The following SLC5A12 variants were observed in gnomAD, a reference collection of about 807,000 sequenced individuals.
SLC5A12 encodes solute carrier family 5 member 12.
A neutral mutation model predicts 72.7 loss-of-function variants in SLC5A12; 46 were observed. That is an observed-to-expected ratio of 0.63 (90% CI 0.50 to 0.81). The LOEUF (loss-of-function observed/expected upper bound fraction) is 0.81, where lower values mean the gene tolerates loss of function less well. SLC5A12 is among the 30% of genes least tolerant of loss of function. The pLI, the probability that SLC5A12 is intolerant of heterozygous loss-of-function variation, is 0.00. For missense variants in SLC5A12, 683 were observed against 740.7 expected (o/e 0.92, Z 0.90); for synonymous variants, 275 against 264.4 (o/e 1.04, Z -0.39).
In SLC5A12 at chr11:26,686,471, C is replaced by G; in HGVS notation, c.1221+6G>C. 1 of 1,613,382 alleles carries G rather than the reference C, an allele frequency of 6.2e-7. No homozygotes were observed. Among genetic ancestry groups the G allele is most frequent in the Non-Finnish European group, 8.5e-7 (1 of 1,179,516 alleles). ...AACCAAATGTGTCTTTTCCTTCTTTCGTTACCTGCACAACACCTCCCATGA... is the reference window on the plus strand; with the variant it reads ...AACCAAATGTGTCTTTTCCTTCTTTGGTTACCTGCACAACACCTCCCATGA... On this transcript the variant is annotated splice_donor_region_variant and intron_variant, in intron 10 of 14. Coordinates refer to ENST00000396005, the MANE Select transcript of SLC5A12 (RefSeq NM_178498.4).
intron 8 of SLC5A12, 43 bp from the exon 9 acceptor site, chr11:26,692,644 G>T: frequency 7.0e-7 from 1 of 1,432,872 alleles, no homozygotes; most frequent in Non-Finnish European, 9.8e-7. Context: ...AGCTATATAA[G>T]GCGGAGCTAC....
rs146624977 is a variant in SLC5A12 at position 26,670,341 on chromosome 11, T to C, written c.*761A>G. ...TGGAAAAAGGCTCTAGACTTCTTAT[T>C]GAGCTCTGAGGCAATTTTTCATTGT... On this transcript the variant is annotated 3_prime_UTR_variant, in exon 15 of 15. Transcript: ENST00000396005. The C allele has an allele frequency of 1.4e-4, 22 of 152,276 alleles. No homozygotes were observed. The highest frequency in any genetic ancestry group is 5.3e-4 in the African/African-American group (22 of 41,574). 9.4% of individuals were successfully genotyped at this position (152,276 alleles called of 1,614,324 possible). A position where few individuals can be genotyped will look rare whatever the true frequency, so the allele number is the denominator to read the frequency against.
At chr11:26,671,981 G>T (rs1482794791) in intron 14 of SLC5A12, among the ~76,000 whole-genome samples, 8 of 152,080 alleles carry the variant, frequency 5.3e-5, no homozygotes, top group Non-Finnish European at 1.0e-4. Flanking sequence ...CAAACTCCTT[G>T]CTTATCAAGC....
At position 26,670,117 on chromosome 11, in the gene SLC5A12, C is replaced by T. The variant is rs10835054; in HGVS notation, c.*985G>A. ...GAAGTTCTCCACTTCTGTTACCTAACCCAGGTGGAGTGAGTTGAGCTTGCT... is the reference window on the plus strand; with the variant it reads ...GAAGTTCTCCACTTCTGTTACCTAATCCAGGTGGAGTGAGTTGAGCTTGCT... On this transcript the variant is annotated 3_prime_UTR_variant, in exon 15 of 15. Coordinates refer to ENST00000396005, the MANE Select transcript of SLC5A12 (RefSeq NM_178498.4). 19,683 of 152,090 alleles carry T rather than the reference C, an allele frequency of 0.13. 1,613 individuals carry two copies. The highest frequency in any genetic ancestry group is 0.28 in the Middle Eastern group (81 of 294). 9.4% of individuals were successfully genotyped at this position (152,090 alleles called of 1,614,324 possible). A position where few individuals can be genotyped will look rare whatever the true frequency, so the allele number is the denominator to read the frequency against.
intron 10 of SLC5A12, among the ~76,000 whole-genome samples, chr11:26,686,248 G>A (rs1854529773): frequency 6.6e-6 from 1 of 152,142 alleles, no homozygotes; most frequent in Non-Finnish European, 1.5e-5. Flanking sequence ...CCTTCTGAAA[G>A]TGATTTAATA....
intron 1 of SLC5A12, 78 bp downstream of exon 1, chr11:26,721,298 A>G (rs867801479): frequency 9.6e-7 from 1 of 1,045,862 alleles, no homozygotes. Context: ...AAAATCAGTG[A>G]GTGTTCTTCA....
Position 26,667,656 on chromosome 11 carries a change from T to C in SLC5A12, c.*3446A>G, listed in dbSNP as rs919097096. Reference sequence around the variant, plus strand: ...ACAAAATAATAATAAATCATAGTAATGAATTGCATCTTTTAGTAATAAACT... The same window carrying C: ...ACAAAATAATAATAAATCATAGTAACGAATTGCATCTTTTAGTAATAAACT... On this transcript the variant is annotated 3_prime_UTR_variant, in exon 15 of 15. Coordinates refer to ENST00000396005, the MANE Select transcript of SLC5A12 (RefSeq NM_178498.4). The C allele has an allele frequency of 2.0e-5, 3 of 150,810 alleles. No individual in the cohort carries two copies. The highest frequency in any genetic ancestry group is 7.3e-5 in the African/African-American group (3 of 41,266). The allele number at this position is 150,810 out of a possible 1,614,324, so 9.3% of individuals were successfully genotyped here.
intron 9 of SLC5A12, 118 bp from the exon 10 acceptor site, chr11:26,686,662 GA>G (rs1854543028): frequency 1.2e-6 from 1 of 810,828 alleles, no homozygotes; most frequent in African/African-American, 1.7e-5. Flanking sequence ...GGATCTCAGC[GA>G]GGACCATCCT....
chr11:26,706,189 G>T (rs1423400902), intron 4 of SLC5A12, among the ~76,000 whole-genome samples: 1 of 152,032 alleles, frequency 6.6e-6, no homozygotes, highest in Non-Finnish European at 1.5e-5. Context: ...CAAAGGTGAA[G>T]CCTCTAATTT....
chr11:26,688,431 G>C (rs183818877), intron 9 of SLC5A12, among the ~76,000 whole-genome samples: 1 of 152,296 alleles, frequency 6.6e-6, no homozygotes, highest in Admixed American at 6.5e-5. Context: ...CTCAGAGAGT[G>C]AGCAGAATCA....
At chr11:26,675,029 T>C (rs1854234345) in intron 13 of SLC5A12, among the ~76,000 whole-genome samples, 1 of 152,184 alleles carries the variant, frequency 6.6e-6, no homozygotes. Flanking sequence ...AATGTGTGCG[T>C]ATGTGTGAGT....
intron 13 of SLC5A12, among the ~76,000 whole-genome samples, chr11:26,677,248 T>C (rs1854287087): frequency 6.6e-6 from 1 of 152,194 alleles, no homozygotes; most frequent in Non-Finnish European, 1.5e-5. Context: ...ACCTGGCTTA[T>C]TTGGAGAAAA....
Position 26,669,187 on chromosome 11 carries a change from T to TTTTTCTTTCTTTCTTTCTTTC in SLC5A12, c.*1914_*1915insGAAAGAAAGAAAGAAAGAAAA, listed in dbSNP as rs1854074136. 4 of 110,942 alleles carry TTTTTCTTTCTTTCTTTCTTTC rather than the reference T, an allele frequency of 3.6e-5. No individual in the cohort carries two copies. The South Asian group carries it at 1.1e-3, about 31-fold the overall frequency. The allele number at this position is 110,942 out of a possible 1,614,324, so 6.9% of individuals were successfully genotyped here. A position where few individuals can be genotyped will look rare whatever the true frequency, so the allele number is the denominator to read the frequency against. On this transcript the variant is annotated 3_prime_UTR_variant, in exon 15 of 15. Coordinates refer to ENST00000396005, the MANE Select transcript of SLC5A12 (RefSeq NM_178498.4). Reference sequence around the variant, plus strand: ...TGTCTTTTTCTTTCTTTCTTTCTTCTTTTCTTTCTTTCTTTCTTTCTTTCT... The same window carrying TTTTTCTTTCTTTCTTTCTTTC: ...TGTCTTTTTCTTTCTTTCTTTCTTCTTTTTCTTTCTTTCTTTCTTTCTTTCTTTCTTTCTTTCTTTCTTTCT...
chr11:26,705,925 TACACACACACACACACACACACACAC>T (rs71047876), intron 4 of SLC5A12, among the ~76,000 whole-genome samples: 196 of 129,718 alleles, frequency 1.5e-3, no homozygotes, highest in African/African-American at 5.2e-3. Flanking sequence ...TTCTCTGTCA[TACACACACACACACACACACACACAC>T]ACACACACAC....
intron 13 of SLC5A12, among the ~76,000 whole-genome samples, chr11:26,674,377 C>CAAAAAAAAA (rs142621833): frequency 6.9e-6 from 1 of 145,848 alleles, no homozygotes; most frequent in Non-Finnish European, 1.5e-5. Context: ...TTTCTAGAGA[C>CAAAAAAAAA]AAAAAAAATA....
intron 8 of SLC5A12, among the ~76,000 whole-genome samples, chr11:26,696,442 A>C (rs188265602): frequency 1.3e-5 from 2 of 152,344 alleles, no homozygotes; most frequent in East Asian, 3.9e-4. Flanking sequence ...ATAGCCATGC[A>C]TTGGTTAATA....
chr11:26,690,117 T>C (rs1590719250), intron 9 of SLC5A12, among the ~76,000 whole-genome samples: 1 of 152,266 alleles, frequency 6.6e-6, no homozygotes, highest in Middle Eastern at 3.4e-3. Flanking sequence ...AAGATATCAG[T>C]TATTCCCAAA....
chr11:26,705,670 C>A (rs1855066394), intron 4 of SLC5A12, among the ~76,000 whole-genome samples: 1 of 152,046 alleles, frequency 6.6e-6, no homozygotes, highest in Admixed American at 6.6e-5. Context: ...GTAGCACTAG[C>A]TTAATTTTCT....
intron 4 of SLC5A12, 150 bp downstream of exon 4, chr11:26,709,162 C>A (rs1855160611): frequency 5.7e-6 from 3 of 522,620 alleles, no homozygotes; most frequent in Middle Eastern, 2.9e-4. Flanking sequence ...ACAGCACCTT[C>A]CTCAGGAAAC....
Sources: gnomAD v4.1 joint callset for allele counts (sites outside exome capture counted in the v4.1 genomes callset) on GRCh38, gnomAD v4.1.1 for gene constraint, MANE v1.5 for transcripts, NCBI Gene and HGNC (gene_info 2026-07-23, HGNC 2026-07-21) for gene names.